The following ATP6V1D variants were observed in gnomAD, a reference collection of about 807,000 sequenced individuals.
The protein encoded by ATP6V1D is ATPase H+ transporting V1 subunit D.
A neutral mutation model predicts 39.4 loss-of-function variants in ATP6V1D; 20 were observed. The observed-to-expected ratio is 0.51, with a 90% CI of 0.36 to 0.74. The LOEUF (loss-of-function observed/expected upper bound fraction) is 0.74. Ranked by LOEUF, ATP6V1D falls within the 30% of genes least tolerant of loss-of-function variation. The pLI is 0.00. For missense variants in ATP6V1D, 228 were observed against 291.6 expected (o/e 0.78, Z 1.59); for synonymous variants, 100 against 100.5 (o/e 0.99, Z 0.03).
chr14:67,347,458 T>C lies in ATP6V1D; in HGVS notation c.308-5A>G, dbSNP rs1385171052. On this transcript the variant is annotated splice_polypyrimidine_tract_variant and splice_region_variant and intron_variant, in intron 4 of 8. Coordinates refer to ENST00000216442, the MANE Select transcript of ATP6V1D (RefSeq NM_015994.4). ...CAAATACTGGCAAAGTAACACCTGT[T>C]AAACACAGAAGCATACATGGATTCA... 6.2e-7 allele frequency: 1 copy of C among 1,602,508 alleles called. No individual in the cohort carries two copies. Among genetic ancestry groups the C allele is most frequent in the Admixed American group, 1.7e-5 (1 of 59,622 alleles).
At chr14:67,342,038 C>T (rs2085588386) in intron 7 of ATP6V1D, among the ~76,000 whole-genome samples, 2 of 152,008 alleles carry the variant, frequency 1.3e-5, no homozygotes, top group Non-Finnish European at 2.9e-5. Flanking sequence ...CCCACGGACA[C>T]AAACACTGCG....
At chr14:67,358,542 G>T (rs570284914) in intron 1 of ATP6V1D, among the ~76,000 whole-genome samples, 13 of 152,078 alleles carry the variant, frequency 8.5e-5, no homozygotes, top group Non-Finnish European at 1.6e-4. Context: ...TCACTGAAAA[G>T]AAAAAGGGAA....
intron 5 of ATP6V1D, among the ~76,000 whole-genome samples, chr14:67,346,648 T>G (rs973090660): frequency 6.6e-6 from 1 of 152,182 alleles, no homozygotes; most frequent in African/African-American, 2.4e-5. Flanking sequence ...AGTTAATACT[T>G]TACTTTGGAA....
intron 7 of ATP6V1D, among the ~76,000 whole-genome samples, chr14:67,341,595 G>C (rs917611834): frequency 6.7e-6 from 1 of 149,720 alleles, no homozygotes; most frequent in African/African-American, 2.5e-5. Flanking sequence ...CAGCCACCCT[G>C]TCCGGGAGGT....
In ATP6V1D at chr14:67,338,673, T is replaced by G; in HGVS notation, c.692A>C (p.Glu231Ala). The G allele has an allele frequency of 6.2e-7, 1 of 1,614,150 alleles. No individual in the cohort carries two copies. The highest frequency in any genetic ancestry group is 1.6e-4 in the Middle Eastern group (1 of 6,062). ...EQRRAAGEVL[E>A]PANLLAEEKD... ...CTCTTCAGCCAGAAGATTAGCAGGC[T>G]CCAACACCTCTCCAGCTGCTCTCCT... The change falls in exon 9 of 9, where the codon GAG becomes GCG. Residue 231 changes from glutamate to alanine, a missense_variant. By Grantham distance (107) the Glu-to-Ala change is moderately radical. Around this residue, in one of 3 missense-constraint regions of ATP6V1D, gnomAD observed 114 missense variants for 128.3 expected, o/e 0.89. Coordinates refer to ENST00000216442, the MANE Select transcript of ATP6V1D (RefSeq NM_015994.4).
chr14:67,358,046 C>G lies in ATP6V1D; in HGVS notation c.41+1612G>C, dbSNP rs565221680. On this transcript the variant is annotated intron_variant, in intron 1 of 8. Coordinates refer to ENST00000216442, the MANE Select transcript of ATP6V1D (RefSeq NM_015994.4). ...TCAATTAGGTGTTGACTAGAACAAA[C>G]AGTAAATTCTCCCCCTAGCTTTGAG... 2.4e-4 allele frequency among the ~76,000 whole-genome samples: 36 copies of G among 151,688 alleles called. 1 individual carries two copies. In the South Asian group the frequency reaches 3.7e-3, roughly 16 times the overall value.
At chr14:67,339,501 C>T (rs970802301) in intron 8 of ATP6V1D, among the ~76,000 whole-genome samples, 9 of 152,224 alleles carry the variant, frequency 5.9e-5, no homozygotes, top group African/African-American at 1.9e-4. Flanking sequence ...CTAAATACTC[C>T]TGCCCTCACC....
chr14:67,348,395 T>TG (rs1399263276), intron 4 of ATP6V1D, among the ~76,000 whole-genome samples: 1 of 151,930 alleles, frequency 6.6e-6, no homozygotes, highest in East Asian at 1.9e-4. Context: ...TTGGTAAAGA[T>TG]GGGGTTTCAC....
chr14:67,349,204 A>T, intron 3 of ATP6V1D, 100 bp from the exon 4 acceptor site: 1 of 1,133,664 alleles, frequency 8.8e-7, no homozygotes, highest in South Asian at 1.4e-5. Context: ...CAAGAGTGAG[A>T]TGTCACAATT....
intron 7 of ATP6V1D, among the ~76,000 whole-genome samples, chr14:67,340,872 C>T (rs1226562151): frequency 6.6e-5 from 10 of 152,122 alleles, no homozygotes; most frequent in African/African-American, 1.4e-4. Flanking sequence ...GACGGGGTTT[C>T]GCTGTGTTGG....
In ATP6V1D at chr14:67,349,082, T is replaced by G. The variant is rs17852866; in HGVS notation, c.262A>C (p.Asn88His). 3.7e-6 allele frequency: 6 copies of G among 1,614,134 alleles called. No homozygotes were observed. Among genetic ancestry groups the G allele is most frequent in the Non-Finnish European group, 5.1e-6 (6 of 1,179,974 alleles). ...GCTCGAATCTTCACTTGCGCTTTAT[T>G]GACATTTTGGATAACTGTAGTGCTG... Reference protein sequence around the residue: ...DFSTTVIQNVNKAQVKIRAKK... With the variant: ...DFSTTVIQNVHKAQVKIRAKK... Residue 88 changes from asparagine (N) to histidine (H), a missense_variant, in exon 4 of 9, where the codon AAT (asparagine) becomes CAT (histidine). By Grantham distance (68) the Asn-to-His change is moderately conservative. Coordinates refer to ENST00000216442, the MANE Select transcript of ATP6V1D (RefSeq NM_015994.4).
At position 67,359,745 on chromosome 14, in the gene ATP6V1D, C is replaced by A. The variant is rs550635180; in HGVS notation, c.-47G>T. 4.2e-5 allele frequency: 67 copies of A among 1,610,250 alleles called. No homozygotes were observed. Among genetic ancestry groups the A allele is most frequent in the Non-Finnish European group, 4.0e-5 (47 of 1,177,818 alleles). ...CGGGTCCCCGGCCGGGCAACCGAGG[C>A]TGCAATAGCTCCAGAACTGGCCTCC... On this transcript the variant is annotated 5_prime_UTR_variant, in exon 1 of 9. Transcript: ENST00000216442.
At chr14:67,350,585 CA>C in intron 3 of ATP6V1D, 25 bp downstream of exon 3, 1 of 1,593,308 alleles carries the variant, frequency 6.3e-7, no homozygotes, top group Non-Finnish European at 8.6e-7. Flanking sequence ...TGTTTTGCTT[CA>C]AAACACCCCG....
At chr14:67,350,983 C>T (rs921174927) in intron 2 of ATP6V1D, among the ~76,000 whole-genome samples, 3 of 152,166 alleles carry the variant, frequency 2.0e-5, no homozygotes, top group Non-Finnish European at 4.4e-5. Flanking sequence ...TGCTGATTTA[C>T]TCAAACTAAT....
chr14:67,348,615 G>A (rs111596159), intron 4 of ATP6V1D, among the ~76,000 whole-genome samples: 2,133 of 152,112 alleles, frequency 0.014, 52 homozygotes, highest in African/African-American at 0.048. Context: ...TCCGCTTCCC[G>A]GGTTCAAGCG....
rs899142376 is a variant in ATP6V1D, at chr14:67,341,879, C to T, written c.524-1361G>A. 5.0e-3 allele frequency among the ~76,000 whole-genome samples: 766 copies of T among 152,240 alleles called. 3 individuals carry two copies. Among genetic ancestry groups the T allele is most frequent in the Non-Finnish European group, 7.1e-3 (483 of 68,032 alleles). ...GCTTTGGGATCCTGTTGATCTATGACCTTACCCCCAACCCTGTGCTCTCTG... is the reference window on the plus strand; with the variant it reads ...GCTTTGGGATCCTGTTGATCTATGATCTTACCCCCAACCCTGTGCTCTCTG... On this transcript the variant is annotated intron_variant, in intron 7 of 8. Coordinates refer to ENST00000216442, the MANE Select transcript of ATP6V1D (RefSeq NM_015994.4).
At position 67,338,623 on chromosome 14, in the gene ATP6V1D, A is replaced by G. The variant is rs756467063; in HGVS notation, c.742T>C (p.Ter248GlnextTer11). 6.2e-7 allele frequency: 1 copy of G among 1,613,606 alleles called. No homozygotes were observed. The highest frequency in any genetic ancestry group is 8.5e-7 in the Non-Finnish European group (1 of 1,179,782). ...TCAAAGAACCAGAACAGGAAAGATT[A>G]TTCAAATAGAAGATCCTCGTCCTTC... ...EEKDEDLLFE[*>Q] Residue 248 changes from the stop codon to glutamine, a stop_lost, in exon 9 of 9, where the codon TAA (stop) becomes CAA (glutamine). Coordinates refer to ENST00000216442, the MANE Select transcript of ATP6V1D (RefSeq NM_015994.4).
intron 1 of ATP6V1D, among the ~76,000 whole-genome samples, 183 bp from the exon 2 acceptor site, chr14:67,353,223 G>A (rs1054017749): frequency 3.3e-5 from 5 of 152,220 alleles, no homozygotes; most frequent in Non-Finnish European, 7.3e-5. Flanking sequence ...TAATCTTCAT[G>A]TGTTGGAAAC....
At chr14:67,352,405 CTGCAGAGTAAGACCT>C in intron 2 of ATP6V1D, among the ~76,000 whole-genome samples, 1 of 148,504 alleles carries the variant, frequency 6.7e-6, no homozygotes, top group East Asian at 2.0e-4. Flanking sequence ...CAGTTTGAGG[CTGCAGAGTAAGACCT>C]TGCCTCAAAA....
Sources: allele counts gnomAD v4.1 joint callset (sites outside exome capture counted in the v4.1 genomes callset), GRCh38; gene constraint gnomAD v4.1.1; regional missense constraint gnomAD v4.1.1; transcripts MANE v1.5; gene names NCBI Gene and HGNC (gene_info 2026-07-23, HGNC 2026-07-21).